The following CNTNAP5 variants were observed in gnomAD, a reference collection of about 807,000 sequenced individuals.
CNTNAP5 encodes contactin-associated protein-like 5.
CNTNAP5 carries 72 observed loss-of-function variants against 150.2 expected under a neutral mutation model. The observed-to-expected ratio is 0.48, with a 90% CI of 0.40 to 0.58. CNTNAP5 has a LOEUF of 0.58. Among genes scored for constraint, CNTNAP5 ranks in the 20% least tolerant of loss-of-function variants. The probability of loss-of-function intolerance (pLI) is 0.00; values close to 1 mark genes in which losing one functional copy is unlikely to be tolerated. For missense variants in CNTNAP5, 1,636 were observed against 1,626.2 expected, an observed-to-expected ratio of 1.01 and a Z score of -0.10; for synonymous variants, 672 against 619.8, an observed-to-expected ratio of 1.08 and a Z score of -1.25.
chr2:124,825,884 C>T (rs1682582413), intron 19 of CNTNAP5, among the ~76,000 whole-genome samples: 1 of 152,102 alleles, frequency 6.6e-6, no homozygotes, highest in African/African-American at 2.4e-5. Context: ...ATGAACAGCA[C>T]CCATAGCTTG....
intron 3 of CNTNAP5, among the ~76,000 whole-genome samples, chr2:124,410,087 T>G (rs1347007900): frequency 6.6e-6 from 1 of 152,120 alleles, no homozygotes. Flanking sequence ...CATCCTAGTC[T>G]CTGATAAAAT....
At chr2:124,313,151 T>C (rs1405840583) in intron 3 of CNTNAP5, among the ~76,000 whole-genome samples, 2 of 152,242 alleles carry the variant, frequency 1.3e-5, no homozygotes, top group Non-Finnish European at 2.9e-5. Flanking sequence ...ATCATCGATA[T>C]GTAACAGTCA....
intron 13 of CNTNAP5, among the ~76,000 whole-genome samples, chr2:124,692,188 A>C (rs1679313049): frequency 6.6e-6 from 1 of 152,130 alleles, no homozygotes; most frequent in African/African-American, 2.4e-5. Context: ...GTCACAGTGA[A>C]TATCACATTA....
At chr2:124,165,441 C>T (rs1204746002) in intron 1 of CNTNAP5, among the ~76,000 whole-genome samples, 3 of 152,150 alleles carry the variant, frequency 2.0e-5, no homozygotes, top group Non-Finnish European at 4.4e-5. Context: ...CTCTTTGCCA[C>T]GGTTTCTCCT....
At chr2:124,387,845 A>G (rs970332890) in intron 3 of CNTNAP5, among the ~76,000 whole-genome samples, 2 of 152,144 alleles carry the variant, frequency 1.3e-5, no homozygotes, top group Admixed American at 6.5e-5. Flanking sequence ...ATGAGGACCA[A>G]TTTCAAGCTC....
rs758677403 is a variant in CNTNAP5, at chr2:124,474,846, C to T, written c.1026C>T (p.Asp342=). 2.5e-6 allele frequency: 4 copies of T among 1,606,862 alleles called. No homozygotes were observed. In the Admixed American group the frequency reaches 5.2e-5, roughly 21 times the overall value. ...NLYYNGVNII[D]LAKRRKHQIY... ...ACTACAATGGAGTAAACATAATTGA[C>T]CTGGCTAAGAGACGAAAGCATCAGA... The change falls in exon 7 of 24, where the codon GAC becomes GAT. Residue 342 remains aspartate, a synonymous_variant. Transcript: ENST00000682447.
At chr2:124,046,625 T>C (rs1332448138) in intron 1 of CNTNAP5, among the ~76,000 whole-genome samples, 1 of 152,162 alleles carries the variant, frequency 6.6e-6, no homozygotes, top group Non-Finnish European at 1.5e-5. Flanking sequence ...AATTAACTAA[T>C]CATGTTCCTA....
At chr2:124,897,890 C>G (rs1328248943) in intron 21 of CNTNAP5, among the ~76,000 whole-genome samples, 1 of 150,384 alleles carries the variant, frequency 6.6e-6, no homozygotes, top group East Asian at 2.0e-4. Context: ...ATAGGACATA[C>G]AAATGAGCAT....
In CNTNAP5 at chr2:124,916,109, G is replaced by C. The variant is rs1678763420; in HGVS notation, c.*1821G>C. 6.6e-6 allele frequency among the ~76,000 whole-genome samples: 1 copy of C among 151,964 alleles called. No individual in the cohort carries two copies. The highest frequency in any genetic ancestry group is 2.4e-5 in the African/African-American group (1 of 41,388). On this transcript the variant is annotated 3_prime_UTR_variant, in exon 24 of 24. Coordinates refer to ENST00000682447, the MANE Select transcript of CNTNAP5 (RefSeq NM_001367498.1). ...TCAGTTTCAGAGCTTATGAGTTAAG[G>C]ATTTAGTTTGCAATCATATTTCTCT... is the stretch of plus-strand genomic sequence containing the variant.
chr2:124,318,614 G>A (rs886954820), intron 3 of CNTNAP5, among the ~76,000 whole-genome samples: 22 of 152,200 alleles, frequency 1.4e-4, no homozygotes, highest in Non-Finnish European at 1.3e-4. Flanking sequence ...ACAGCACTTA[G>A]AGTTTCCCTT....
chr2:124,869,939 G>A lies in CNTNAP5; in HGVS notation c.3436+177G>A, dbSNP rs141584709. ...CAAGATGTATCTGTGGCAGAAATAG[G>A]CAATGCATTTCTATCTACTTTATAA... is the stretch of plus-strand genomic sequence containing the variant. On this transcript the variant is annotated intron_variant, in intron 21 of 23. Transcript: ENST00000682447. Among the ~76,000 whole-genome samples, 389 of 152,154 alleles carry A rather than the reference G, an allele frequency of 2.6e-3. 5 individuals carry two copies. Among genetic ancestry groups the A allele is most frequent in the African/African-American group, 7.5e-3 (311 of 41,534 alleles).
chr2:124,905,733 T>C (rs1050642620), intron 22 of CNTNAP5, among the ~76,000 whole-genome samples: 1 of 151,698 alleles, frequency 6.6e-6, no homozygotes, highest in Non-Finnish European at 1.5e-5. Flanking sequence ...AAGGGGAAAG[T>C]GTGGTGGGGT....
At chr2:124,269,847 T>C (rs576649963) in intron 3 of CNTNAP5, among the ~76,000 whole-genome samples, 3 of 152,260 alleles carry the variant, frequency 2.0e-5, no homozygotes, top group African/African-American at 7.2e-5. Flanking sequence ...TCCAGTCAAA[T>C]TGAAAGAAAG....
chr2:124,373,957 A>T (rs1690588814), intron 3 of CNTNAP5, among the ~76,000 whole-genome samples: 1 of 152,060 alleles, frequency 6.6e-6, no homozygotes, highest in African/African-American at 2.4e-5. Context: ...AGATCACAAG[A>T]CAATATATTT....
Position 124,579,375 on chromosome 2 carries a change from A to AT in CNTNAP5, c.1756+16053dup, listed in dbSNP as rs1277985802. ...TTGCTCTAAATTACTTACTTACTGG[A>AT]TAAACAGAAAAGTATCTGTGCAGCT... On this transcript the variant is annotated intron_variant, in intron 11 of 23. Coordinates refer to ENST00000682447, the MANE Select transcript of CNTNAP5 (RefSeq NM_001367498.1). 3.9e-5 allele frequency among the ~76,000 whole-genome samples: 6 copies of AT among 152,364 alleles called. No homozygotes were observed. In the East Asian group the frequency reaches 9.6e-4, roughly 24 times the overall value.
intron 4 of CNTNAP5, 145 bp from the exon 5 acceptor site, chr2:124,434,339 T>C (rs151286741): frequency 1.5e-6 from 1 of 651,544 alleles, no homozygotes; most frequent in African/African-American, 1.8e-5. Context: ...AGGGTGGTTC[T>C]AGTCTACATG....
chr2:124,858,733 A>T (rs1176849969), intron 19 of CNTNAP5, among the ~76,000 whole-genome samples: 2 of 152,222 alleles, frequency 1.3e-5, no homozygotes, highest in Non-Finnish European at 2.9e-5. Flanking sequence ...AAACTAAATC[A>T]TATCACCAGA....
chr2:124,383,889 G>T (rs1377254694), intron 3 of CNTNAP5, among the ~76,000 whole-genome samples: 2 of 152,090 alleles, frequency 1.3e-5, no homozygotes, highest in African/African-American at 4.8e-5. Flanking sequence ...CTTAGGTTTT[G>T]CTTCTCTTCA....
At chr2:124,044,180 G>A (rs149456928) in intron 1 of CNTNAP5, among the ~76,000 whole-genome samples, 58 of 152,162 alleles carry the variant, frequency 3.8e-4, no homozygotes, top group Non-Finnish European at 6.0e-4. Flanking sequence ...TACTGCTTAC[G>A]GTGTGCCAGA....
Sources: gnomAD v4.1 joint callset for allele counts (sites outside exome capture counted in the v4.1 genomes callset) on GRCh38, gnomAD v4.1.1 for gene constraint, MANE v1.5 for transcripts, NCBI Gene and HGNC (gene_info 2026-07-23, HGNC 2026-07-21) for gene names.